Variants in ABCA4 observed in about 807,000 individuals in gnomAD.
ABCA4 encodes retinal-specific phospholipid-transporting ATPase ABCA4.
ABCA4 carries 196 observed loss-of-function variants against 263.7 expected under a neutral mutation model. That is an observed-to-expected ratio of 0.74 (90% CI 0.66 to 0.84). The LOEUF is 0.84. Ranked by LOEUF, ABCA4 falls within the 40% of genes least tolerant of loss-of-function variation. The pLI is 0.00. For missense variants in ABCA4, 2,792 were observed against 2,855.1 expected (o/e 0.98, Z 0.50); for synonymous variants, 1,133 against 1,094.2 (o/e 1.04, Z -0.70).
At chr1:94,101,161 TA>T (rs1225007910) in intron 5 of ABCA4, among the ~76,000 whole-genome samples, 1 of 152,270 alleles carries the variant, frequency 6.6e-6, no homozygotes, top group African/African-American at 2.4e-5. Context: ...ACTAGAGATC[TA>T]AATGTCACAT....
chr1:94,012,362 G>C (rs1031567395), intron 38 of ABCA4, among the ~76,000 whole-genome samples: 4 of 152,180 alleles, frequency 2.6e-5, no homozygotes, highest in African/African-American at 7.2e-5. Flanking sequence ...TTCTTCTTTA[G>C]ACAGCTGGCT....
At chr1:94,036,663 C>G in intron 26 of ABCA4, 77 bp downstream of exon 26, 2 of 1,503,118 alleles carry the variant, frequency 1.3e-6, no homozygotes, top group Non-Finnish European at 1.9e-6. Context: ...GCCACTGTGC[C>G]CAGCCCCTTA....
intron 12 of ABCA4, 88 bp from the exon 13 acceptor site, chr1:94,062,841 C>A: frequency 7.2e-7 from 1 of 1,390,508 alleles, no homozygotes. Flanking sequence ...GGAACTCATT[C>A]TCTTAAAATC....
intron 30 of ABCA4, among the ~76,000 whole-genome samples, chr1:94,026,936 GAGAA>G (rs1483577196): frequency 6.6e-6 from 1 of 152,056 alleles, no homozygotes; most frequent in Non-Finnish European, 1.5e-5. Flanking sequence ...GTGTGTGTGT[GAGAA>G]AGAGAGAGAG....
At chr1:94,003,722 C>T (rs1659279215) in intron 44 of ABCA4, among the ~76,000 whole-genome samples, 2 of 152,178 alleles carry the variant, frequency 1.3e-5, no homozygotes, top group Non-Finnish European at 2.9e-5. Flanking sequence ...CAGCCTCAAC[C>T]TCCTGGGCTC....
chr1:94,071,453 G>A (rs60298190), intron 11 of ABCA4, among the ~76,000 whole-genome samples: 31,956 of 152,008 alleles, frequency 0.21, 3,735 homozygotes, highest in African/African-American at 0.3. Context: ...CCCTATTAAT[G>A]TGGGCTGCAT....
chr1:94,027,671 G>A (rs1229076371), intron 30 of ABCA4, among the ~76,000 whole-genome samples: 2 of 152,214 alleles, frequency 1.3e-5, no homozygotes, highest in East Asian at 3.8e-4. Flanking sequence ...ACCAGACTGT[G>A]ATAGGTGCTG....
intron 34 of ABCA4, 87 bp downstream of exon 34, chr1:94,021,553 A>C: frequency 6.6e-7 from 1 of 1,503,872 alleles, no homozygotes; most frequent in East Asian, 2.3e-5. Context: ...GGAGGGATGG[A>C]ATTTAATGAA....
intron 11 of ABCA4, among the ~76,000 whole-genome samples, chr1:94,067,832 T>G (rs973407750): frequency 6.6e-6 from 1 of 152,206 alleles, no homozygotes. Context: ...CCTTATGAGG[T>G]CCAAGTTCAC....
At chr1:94,079,246 C>T (rs71652551) in intron 9 of ABCA4, 76 bp downstream of exon 9, 15 of 1,587,112 alleles carry the variant, frequency 9.5e-6, no homozygotes, top group Non-Finnish European at 1.2e-5. Context: ...AGGCACATCT[C>T]TCTCACACAC....
chr1:94,050,433 A>G (rs1188735096), intron 17 of ABCA4, among the ~76,000 whole-genome samples: 3 of 152,172 alleles, frequency 2.0e-5, no homozygotes, highest in Non-Finnish European at 2.9e-5. Flanking sequence ...GGAGACACTC[A>G]GCTCTTTTCT....
intron 19 of ABCA4, 57 bp downstream of exon 19, chr1:94,046,862 C>T: frequency 1.3e-6 from 2 of 1,596,182 alleles, no homozygotes. Context: ...TAGGGAAAGA[C>T]TAAGCCAGGA....
intron 6 of ABCA4, among the ~76,000 whole-genome samples, chr1:94,085,159 G>A (rs5776202): frequency 0.3 from 43,114 of 143,762 alleles, 6,441 homozygotes; most frequent in East Asian, 0.54. Flanking sequence ...GTTAAAACAA[G>A]TTCTTACATG....
intron 39 of ABCA4, 32 bp from the exon 40 acceptor site, chr1:94,010,961 G>A (rs1659529570): frequency 3.1e-6 from 5 of 1,613,868 alleles, no homozygotes; most frequent in Non-Finnish European, 4.2e-6. Flanking sequence ...GTCCACTTCA[G>A]CCGCCCCAGC....
At chr1:94,025,947 G>T (rs1660030333) in intron 30 of ABCA4, among the ~76,000 whole-genome samples, 1 of 152,152 alleles carries the variant, frequency 6.6e-6, no homozygotes, top group Non-Finnish European at 1.5e-5. Flanking sequence ...GAAAGAATTT[G>T]AATAGTTCCT....
At chr1:94,005,286 C>T in intron 44 of ABCA4, 155 bp downstream of exon 44, 1 of 985,022 alleles carries the variant, frequency 1.0e-6, no homozygotes. Context: ...GTTTCTAGAA[C>T]AGTACTTGGC....
intron 3 of ABCA4, among the ~76,000 whole-genome samples, chr1:94,110,186 A>G (rs1024306188): frequency 3.3e-5 from 5 of 152,186 alleles, no homozygotes; most frequent in African/African-American, 1.2e-4. Context: ...CACTTCCTTG[A>G]CTTTGCTAGG....
chr1:94,007,084 C>G (rs1302107880), intron 43 of ABCA4, among the ~76,000 whole-genome samples: 1 of 152,206 alleles, frequency 6.6e-6, no homozygotes, highest in Non-Finnish European at 1.5e-5. Context: ...CAAATATCAG[C>G]CTACAAATAG....
chr1:94,011,738 C>T (rs1440312536), intron 38 of ABCA4, among the ~76,000 whole-genome samples: 1 of 152,200 alleles, frequency 6.6e-6, no homozygotes, highest in Non-Finnish European at 1.5e-5. Flanking sequence ...CATGTGGGCA[C>T]CGAGGCTAAC....
Sources: gnomAD v4.1 joint callset for allele counts (sites outside exome capture counted in the v4.1 genomes callset) on GRCh38, gnomAD v4.1.1 for gene constraint, MANE v1.5 for transcripts, NCBI Gene and HGNC (gene_info 2026-07-23, HGNC 2026-07-21) for gene names.